PRRC2C: variants seen among roughly 807,000 people sequenced by gnomAD.
PRRC2C encodes protein PRRC2C.
Under a neutral mutation model 317.2 loss-of-function variants are expected in PRRC2C, and 72 were observed. That is an observed-to-expected ratio of 0.23 (90% CI 0.19 to 0.28). The LOEUF is 0.28. Among genes scored for constraint, PRRC2C ranks in the 10% least tolerant of loss-of-function variants. The pLI, the probability that PRRC2C is intolerant of heterozygous loss-of-function variation, is 1.00. For missense variants in PRRC2C, 3,074 were observed against 3,459.7 expected, an observed-to-expected ratio of 0.89 and a Z score of 2.80; for synonymous variants, 1,296 against 1,205.9, an observed-to-expected ratio of 1.07 and a Z score of -1.55.
chr1:171,506,032 C>T (rs74940849), intron 1 of PRRC2C, among the ~76,000 whole-genome samples: 19,176 of 152,104 alleles, frequency 0.13, 1,608 homozygotes, highest in South Asian at 0.36. Flanking sequence ...GTAGGCTATG[C>T]CATCTACATT....
rs1681798687 is a variant in PRRC2C at position 171,558,130 on chromosome 1, T to C, written c.6018T>C (p.Asp2006=). 6.2e-7 allele frequency: 1 copy of C among 1,611,470 alleles called. No homozygotes were observed. The highest frequency in any genetic ancestry group is 8.5e-7 in the Non-Finnish European group (1 of 1,178,168). The change falls in exon 19 of 35, where the codon GAT becomes GAC. Residue 2006 remains aspartate (D), a synonymous_variant. Transcript: ENST00000647382. ...TGGCCCCACCAGCTGTGCTGAATGATATCTCTAAGAAATGTAAGTTGCAAA... is the reference window on the plus strand; with the variant it reads ...TGGCCCCACCAGCTGTGCTGAATGACATCTCTAAGAAATGTAAGTTGCAAA... The part of the protein sequence containing the change: ...NKVAPPAVLN[D]ISKKLGPISP...
intron 11 of PRRC2C, among the ~76,000 whole-genome samples, chr1:171,529,374 A>G (rs1173998056): frequency 1.3e-5 from 2 of 152,176 alleles, no homozygotes; most frequent in African/African-American, 4.8e-5. Flanking sequence ...AAACAGCTCA[A>G]ATATGTCCAA....
At chr1:171,495,820 G>C (rs1442010496) in intron 1 of PRRC2C, among the ~76,000 whole-genome samples, 1 of 152,074 alleles carries the variant, frequency 6.6e-6, no homozygotes, top group African/African-American at 2.4e-5. Flanking sequence ...CATAGTTCAG[G>C]CTGCCATAAC....
At chr1:171,514,148 A>G (rs1380585978) in intron 3 of PRRC2C, among the ~76,000 whole-genome samples, 1 of 152,162 alleles carries the variant, frequency 6.6e-6, no homozygotes, top group Admixed American at 6.6e-5. Flanking sequence ...TTAGCCCTCA[A>G]CTAATTTCAC....
At chr1:171,564,405 ATT>A (rs1162797316) in intron 20 of PRRC2C, among the ~76,000 whole-genome samples, 2 of 152,142 alleles carry the variant, frequency 1.3e-5, no homozygotes, top group Non-Finnish European at 2.9e-5. Context: ...AGTTCTTAAC[ATT>A]TTTGTATATA....
At position 171,527,794 on chromosome 1, in the gene PRRC2C, C is replaced by T. The variant is rs1379965356; in HGVS notation, c.1204C>T (p.Arg402Cys). ...AATTCTTTCTTCTTTATAATAGGAA[C>T]GTGGAACATCTTCACATCTGCCACC... The part of the protein sequence containing the change: ...YGKGPSFNQE[R>C]GTSSHLPPPP... Residue 402 changes from arginine (R) to cysteine (C), a missense_variant, in exon 11 of 35, where the codon CGT becomes TGT. Physicochemically the swap from Arg to Cys is radical, Grantham distance 180. Coordinates refer to ENST00000647382, the MANE Select transcript of PRRC2C (RefSeq NM_001387844.1). 21 of 1,573,768 alleles carry T rather than the reference C, an allele frequency of 1.3e-5. No homozygotes were observed. The highest frequency in any genetic ancestry group is 7.0e-5 in the East Asian group (3 of 42,898).
chr1:171,511,937 TATC>T (rs1671465427), intron 1 of PRRC2C, 92 bp from the exon 2 acceptor site: 1 of 508,262 alleles, frequency 2.0e-6, no homozygotes, highest in Non-Finnish European at 3.6e-6. Context: ...TCTATGAAAT[TATC>T]ATTGATATGG....
chr1:171,504,522 T>TG (rs1669813513), intron 1 of PRRC2C, among the ~76,000 whole-genome samples: 1 of 152,254 alleles, frequency 6.6e-6, no homozygotes. Flanking sequence ...GTATCATTTT[T>TG]GGGAAGACTG....
intron 20 of PRRC2C, among the ~76,000 whole-genome samples, chr1:171,562,994 AG>A (rs2102688640): frequency 6.6e-6 from 1 of 152,326 alleles, no homozygotes; most frequent in South Asian, 2.1e-4. Flanking sequence ...AGTTCAAAGA[AG>A]GGATAGATTA....
At chr1:171,580,636 G>A (rs235490) in intron 28 of PRRC2C, among the ~76,000 whole-genome samples, 156 of 152,288 alleles carry the variant, frequency 1.0e-3, no homozygotes, top group African/African-American at 3.5e-3. Context: ...CTTGAAGAGG[G>A]TGAGGCTTTT....
At chr1:171,509,262 A>G (rs747518160) in intron 1 of PRRC2C, among the ~76,000 whole-genome samples, 8 of 152,212 alleles carry the variant, frequency 5.3e-5, no homozygotes, top group Non-Finnish European at 8.8e-5. Flanking sequence ...AAGTTTTGCC[A>G]TGAAATAGAT....
At chr1:171,554,312 T>C (rs968629922) in intron 18 of PRRC2C, among the ~76,000 whole-genome samples, 1 of 152,190 alleles carries the variant, frequency 6.6e-6, no homozygotes, top group Non-Finnish European at 1.5e-5. Context: ...TTGTTTTCCA[T>C]TTGCTTAGTA....
intron 1 of PRRC2C, chr1:171,511,472 G>A (rs1444048488): frequency 2.0e-5 from 3 of 152,074 alleles, no homozygotes; most frequent in Non-Finnish European, 4.4e-5. Flanking sequence ...TGAATATTTA[G>A]TCCTCAGTGA....
At chr1:171,497,763 G>A (rs545371237) in intron 1 of PRRC2C, among the ~76,000 whole-genome samples, 4 of 152,190 alleles carry the variant, frequency 2.6e-5, no homozygotes, top group South Asian at 2.1e-4. Flanking sequence ...GCCACTGCGC[G>A]TGGCCCTAAT....
At chr1:171,510,720 T>A (rs1266333511) in intron 1 of PRRC2C, 1 of 152,208 alleles carries the variant, frequency 6.6e-6, no homozygotes, top group Non-Finnish European at 1.5e-5. Context: ...GGAAAGATGG[T>A]TTATTGTAAA....
At chr1:171,568,487 A>G in intron 23 of PRRC2C, 148 bp downstream of exon 23, 1 of 1,302,884 alleles carries the variant, frequency 7.7e-7, no homozygotes, top group Non-Finnish European at 1.0e-6. Context: ...GAGTACTGTA[A>G]TATAATTAGC....
chr1:171,571,114 A>G (rs1360293552), intron 23 of PRRC2C, among the ~76,000 whole-genome samples: 4 of 152,244 alleles, frequency 2.6e-5, no homozygotes, highest in Non-Finnish European at 5.9e-5. Context: ...AAAAAGGCAG[A>G]TAATAATTTC....
intron 1 of PRRC2C, among the ~76,000 whole-genome samples, chr1:171,503,265 T>C (rs1669492531): frequency 6.6e-6 from 1 of 152,154 alleles, no homozygotes; most frequent in African/African-American, 2.4e-5. Context: ...GGCTCACACC[T>C]GTAATCTCAG....
rs1169242922 is a variant in PRRC2C at position 171,485,552 on chromosome 1, C to T, written c.-241C>T. The T allele has an allele frequency of 1.3e-5, 2 of 152,712 alleles. No homozygotes were observed. The highest frequency in any genetic ancestry group is 2.9e-5 in the Non-Finnish European group (2 of 68,084). The allele number at this position is 152,712 out of a possible 1,614,324, so 9.5% of individuals were successfully genotyped here. A position where few individuals can be genotyped will look rare whatever the true frequency, so the allele number is the denominator to read the frequency against. On this transcript the variant is annotated 5_prime_UTR_variant, in exon 1 of 35. Transcript: ENST00000647382. ...GCCGCCATCTTGCTTCTTTTTCTCG[C>T]TCGCTCGCTCCCCCTCGGAAAGCTG... is the stretch of plus-strand genomic sequence containing the variant.
Sources: allele counts gnomAD v4.1 joint callset (sites outside exome capture counted in the v4.1 genomes callset), GRCh38; gene constraint gnomAD v4.1.1; transcripts MANE v1.5; gene names NCBI Gene and HGNC (gene_info 2026-07-23, HGNC 2026-07-21).